TAF2: variants seen among roughly 807,000 people sequenced by gnomAD.
The protein encoded by TAF2 is TATA-box binding protein associated factor 2.
Under a neutral mutation model 138.5 loss-of-function variants are expected in TAF2, and 61 were observed. That is an observed-to-expected ratio of 0.44 (90% CI 0.36 to 0.54). TAF2 has a LOEUF of 0.54. Among genes scored for constraint, TAF2 ranks in the 20% least tolerant of loss-of-function variants. The pLI is 0.00. For missense variants in TAF2, 1,090 were observed against 1,427.9 expected (o/e 0.76, Z 3.81); for synonymous variants, 475 against 469.9 (o/e 1.01, Z -0.14).
rs779111665 is a variant in TAF2, at chr8:119,744,294, T to G, written c.3208A>C (p.Thr1070Pro). The G allele has an allele frequency of 6.2e-7, 1 of 1,613,614 alleles. No homozygotes were observed. The highest frequency in any genetic ancestry group is 1.1e-5 in the South Asian group (1 of 91,070). The change falls in exon 24 of 26, where the codon ACT becomes CCT. Residue 1070 changes from threonine to proline, a missense_variant. Thr to Pro is a conservative substitution (Grantham distance 38, BLOSUM62 -1). Around this residue, in one of 3 missense-constraint regions of TAF2, gnomAD observed 580 missense variants for 719.6 expected, o/e 0.81. Transcript: ENST00000378164. ...HHLNMLERPS[T>P]PGLSKYRPAS... ...TGCAGAATACTAATCTTACCTGGAGTTGACGGCCTTTCAAGCATGTTTAAA... is the reference window on the plus strand; with the variant it reads ...TGCAGAATACTAATCTTACCTGGAGGTGACGGCCTTTCAAGCATGTTTAAA...
chr8:119,745,424 T>G (rs950954107), intron 23 of TAF2, among the ~76,000 whole-genome samples: 16 of 152,108 alleles, frequency 1.1e-4, no homozygotes, highest in Admixed American at 5.2e-4. Context: ...ATGTCTGTCT[T>G]ACTTCTTCAT....
rs185930789 is a variant in TAF2 at position 119,767,566 on chromosome 8, C to T, written c.2365-4958G>A. Reference sequence around the variant, plus strand: ...GAGCTGCCCGAAGACTGTAGAGACGCTGCTGGAGTCTACGTGGAATCCCAC... The same window carrying T: ...GAGCTGCCCGAAGACTGTAGAGACGTTGCTGGAGTCTACGTGGAATCCCAC... On this transcript the variant is annotated intron_variant, in intron 18 of 25. Transcript: ENST00000378164. 3.3e-5 allele frequency among the ~76,000 whole-genome samples: 5 copies of T among 152,346 alleles called. No individual in the cohort carries two copies. In the East Asian group the frequency reaches 9.7e-4, roughly 29 times the overall value.
intron 14 of TAF2, among the ~76,000 whole-genome samples, chr8:119,787,998 A>G (rs1236570734): frequency 6.6e-6 from 1 of 152,178 alleles, no homozygotes; most frequent in Non-Finnish European, 1.5e-5. Context: ...ACAGAAAACC[A>G]AACACTGCAT....
At chr8:119,751,555 C>T (rs1276135769) in intron 22 of TAF2, among the ~76,000 whole-genome samples, 3 of 152,152 alleles carry the variant, frequency 2.0e-5, no homozygotes, top group Admixed American at 1.3e-4. Context: ...CTTTGGGTTC[C>T]CCAAATAGTT....
intron 9 of TAF2, among the ~76,000 whole-genome samples, chr8:119,794,340 G>A (rs1437733872): frequency 2.6e-5 from 4 of 150,986 alleles, no homozygotes; most frequent in African/African-American, 4.9e-5. Context: ...AGGTTGCAGT[G>A]AGCCGAGATT....
intron 11 of TAF2, among the ~76,000 whole-genome samples, chr8:119,790,735 C>T (rs981291637): frequency 3.3e-5 from 5 of 152,238 alleles, no homozygotes; most frequent in African/African-American, 9.6e-5. Flanking sequence ...GGCATTTCAT[C>T]CTTAATACAA....
chr8:119,810,256 T>TG (rs1824958276), intron 3 of TAF2, among the ~76,000 whole-genome samples: 1 of 152,152 alleles, frequency 6.6e-6, no homozygotes, highest in African/African-American at 2.4e-5. Flanking sequence ...TCACATAGAA[T>TG]GCTACCTTTT....
intron 8 of TAF2, among the ~76,000 whole-genome samples, chr8:119,795,894 T>G (rs1011649784): frequency 1.3e-5 from 2 of 152,116 alleles, no homozygotes. Context: ...GTACATGCTC[T>G]ACTCTGACAG....
chr8:119,758,176 T>TA, intron 20 of TAF2, 34 bp from the exon 21 acceptor site: 7 of 1,496,524 alleles, frequency 4.7e-6, no homozygotes, highest in Non-Finnish European at 5.6e-6. Context: ...TGTTGTTAAT[T>TA]ATAACAAATT....
chr8:119,738,995 T>C (rs1343003781), intron 25 of TAF2, among the ~76,000 whole-genome samples: 2 of 149,696 alleles, frequency 1.3e-5, no homozygotes, highest in Non-Finnish European at 3.0e-5. Context: ...GGGCAAGCTC[T>C]CAAGCTTTAA....
chr8:119,804,554 T>C (rs1824485398), intron 4 of TAF2, among the ~76,000 whole-genome samples: 1 of 152,102 alleles, frequency 6.6e-6, no homozygotes, highest in Non-Finnish European at 1.5e-5. Context: ...AAAATGGGAG[T>C]TGCCCTGCAC....
chr8:119,818,405 C>T (rs1429347859), intron 3 of TAF2, among the ~76,000 whole-genome samples: 1 of 152,170 alleles, frequency 6.6e-6, no homozygotes, highest in Non-Finnish European at 1.5e-5. Flanking sequence ...AAAGTTTTGG[C>T]ATCCTACCCC....
chr8:119,822,781 C>G (rs1343239545), intron 2 of TAF2, among the ~76,000 whole-genome samples: 1 of 152,204 alleles, frequency 6.6e-6, no homozygotes, highest in Admixed American at 6.5e-5. Flanking sequence ...CCCAGTCCTC[C>G]TGTTCAACTG....
chr8:119,813,908 G>A (rs1825267940), intron 3 of TAF2, among the ~76,000 whole-genome samples: 1 of 152,144 alleles, frequency 6.6e-6, no homozygotes, highest in African/African-American at 2.4e-5. Flanking sequence ...TTGAGGCCAG[G>A]AGTTCAAAAC....
rs562896335 is a variant in TAF2, at chr8:119,801,839, C to T, written c.747G>A (p.Leu249=). 1 of 1,614,048 alleles carries T rather than the reference C, an allele frequency of 6.2e-7. No individual in the cohort carries two copies. Among genetic ancestry groups the T allele is most frequent in the Admixed American group, 1.7e-5 (1 of 59,998 alleles). ...CCAGTATTTCAAATGGTCCAATGGC[C>T]AAGGAGATATTTGACGCTGCTGTAG... ...TIPTAASNIS[L]AIGPFEILVD... Residue 249 remains leucine (L), a synonymous_variant, in exon 6 of 26, where the codon TTG becomes TTA. Coordinates refer to ENST00000378164, the MANE Select transcript of TAF2 (RefSeq NM_003184.4).
In TAF2 at chr8:119,732,120, G is replaced by C; in HGVS notation, c.3404C>G (p.Thr1135Ser). 2 of 1,614,152 alleles carry C rather than the reference G, an allele frequency of 1.2e-6. No homozygotes were observed. Among genetic ancestry groups the C allele is most frequent in the Non-Finnish European group, 1.7e-6 (2 of 1,180,012 alleles). Residue 1135 changes from threonine (T) to serine (S), a missense_variant, in exon 26 of 26, where the codon ACT becomes AGT. This residue lies in a region of TAF2 where 580 missense variants were observed against 719.6 expected (regional missense o/e 0.81). Coordinates refer to ENST00000378164, the MANE Select transcript of TAF2 (RefSeq NM_003184.4). ...PAASAPLSVF[T>S]KESTASKHSD... is the part of the protein sequence containing the mutation. ...GTGTTTGGAGGCTGTAGATTCCTTA[G>C]TAAAGACTGAGAGTGGAGCGCTTGC...
intron 23 of TAF2, among the ~76,000 whole-genome samples, chr8:119,746,128 T>C (rs1376911607): frequency 3.3e-5 from 5 of 152,082 alleles, no homozygotes; most frequent in African/African-American, 1.2e-4. Flanking sequence ...TCCTAGCACT[T>C]TGGGAGGCCA....
At chr8:119,771,363 G>A (rs1161261070) in intron 18 of TAF2, among the ~76,000 whole-genome samples, 1 of 152,000 alleles carries the variant, frequency 6.6e-6, no homozygotes, top group Admixed American at 6.5e-5. Context: ...AGCCTCCTGA[G>A]TAGCTGGGAT....
intron 3 of TAF2, among the ~76,000 whole-genome samples, chr8:119,813,643 C>G (rs1825249285): frequency 6.6e-6 from 1 of 152,136 alleles, no homozygotes; most frequent in African/African-American, 2.4e-5. Context: ...GAAAGAGTTT[C>G]TAACATGAGG....
Sources: gnomAD v4.1 joint callset for allele counts (sites outside exome capture counted in the v4.1 genomes callset) on GRCh38, gnomAD v4.1.1 for gene constraint, gnomAD v4.1.1 regional missense constraint, MANE v1.5 for transcripts, NCBI Gene and HGNC (gene_info 2026-07-23, HGNC 2026-07-21) for gene names.